Variants in CTNND2 observed in about 807,000 individuals in gnomAD.
The protein encoded by CTNND2 is catenin delta 2, also known as catenin delta-2.
In CTNND2, 22 loss-of-function variants were observed where a neutral mutation model predicts 144.4. The ratio of observed to expected loss-of-function variants is 0.15; its 90% CI spans 0.11 to 0.22. The LOEUF is 0.22. Ranked by LOEUF, CTNND2 falls within the 10% of genes least tolerant of loss-of-function variation. The pLI, the probability that CTNND2 is intolerant of heterozygous loss-of-function variation, is 1.00. For synonymous variants in CTNND2, 751 were observed against 695.6 expected, an observed-to-expected ratio of 1.08 and a Z score of -1.25; for missense variants, 1,353 against 1,618.8, an observed-to-expected ratio of 0.84 and a Z score of 2.82.
chr5:11,404,979 C>G (rs1760976045), intron 5 of CTNND2, among the ~76,000 whole-genome samples: 1 of 152,104 alleles, frequency 6.6e-6, no homozygotes, highest in Admixed American at 6.5e-5. Flanking sequence ...TGAGAGAGTC[C>G]TCTCCTTCCT....
intron 16 of CTNND2, among the ~76,000 whole-genome samples, chr5:11,076,181 T>C (rs10513067): frequency 0.044 from 6,725 of 152,132 alleles, 198 homozygotes; most frequent in Middle Eastern, 0.068. Flanking sequence ...AGTGAGAAGG[T>C]TTCTTATCAA....
At chr5:11,078,362 A>G (rs1459614643) in intron 16 of CTNND2, among the ~76,000 whole-genome samples, 2 of 152,232 alleles carry the variant, frequency 1.3e-5, no homozygotes, top group African/African-American at 4.8e-5. Context: ...AAATTCTGCT[A>G]TTCTCAGTCA....
At chr5:11,779,238 T>A (rs1311337004) in intron 1 of CTNND2, among the ~76,000 whole-genome samples, 1 of 152,242 alleles carries the variant, frequency 6.6e-6, no homozygotes, top group Non-Finnish European at 1.5e-5. Flanking sequence ...AACCATATAT[T>A]TTTAATGTTT....
At chr5:11,305,151 C>T (rs1038570352) in intron 9 of CTNND2, among the ~76,000 whole-genome samples, 3 of 152,170 alleles carry the variant, frequency 2.0e-5, no homozygotes, top group Non-Finnish European at 2.9e-5. Flanking sequence ...TTGTTCTGAG[C>T]GCCTTTCAAA....
intron 2 of CTNND2, among the ~76,000 whole-genome samples, chr5:11,652,144 G>T (rs1782675060): frequency 6.6e-6 from 1 of 152,124 alleles, no homozygotes; most frequent in Non-Finnish European, 1.5e-5. Flanking sequence ...GTCTTGGTTG[G>T]GGGTAACTGG....
chr5:11,849,338 A>G (rs1311970900), intron 1 of CTNND2, among the ~76,000 whole-genome samples: 2 of 152,176 alleles, frequency 1.3e-5, no homozygotes, highest in African/African-American at 4.8e-5. Context: ...TGGGAGCTAC[A>G]ATTCAAGATG....
At chr5:11,445,919 A>G (rs889313786) in intron 3 of CTNND2, among the ~76,000 whole-genome samples, 19 of 152,364 alleles carry the variant, frequency 1.2e-4, no homozygotes, top group Admixed American at 2.6e-4. Flanking sequence ...ATTTGGACAC[A>G]GACAACATGT....
chr5:11,148,862 A>T (rs1461253597), intron 12 of CTNND2, among the ~76,000 whole-genome samples: 2 of 152,186 alleles, frequency 1.3e-5, no homozygotes, highest in South Asian at 2.1e-4. Flanking sequence ...TTTCTTTGTG[A>T]GCCTGTTACC....
intron 1 of CTNND2, among the ~76,000 whole-genome samples, chr5:11,825,974 T>G (rs139416695): frequency 1.3e-5 from 2 of 151,966 alleles, no homozygotes; most frequent in African/African-American, 4.8e-5. Flanking sequence ...CCAACAGACA[T>G]GCAACGTAAG....
chr5:11,081,086 A>ACACACACACACACACACACACT lies in CTNND2; in HGVS notation c.2788+1588_2788+1609dup, dbSNP rs911377634. On this transcript the variant is annotated intron_variant, in intron 16 of 21. Transcript: ENST00000304623. Reference sequence around the variant, plus strand: ...ATGAGACCCTGTCACACACACACACACACACACACACACACACACACTCAC... The same window carrying ACACACACACACACACACACACT: ...ATGAGACCCTGTCACACACACACACACACACACACACACACACACACTCACACACACACACACACACACTCAC... Among the ~76,000 whole-genome samples the ACACACACACACACACACACACT allele has an allele frequency of 5.4e-3, 802 of 148,450 alleles. 1 individual carries two copies. Among genetic ancestry groups the ACACACACACACACACACACACT allele is most frequent in the Middle Eastern group, 0.014 (4 of 280 alleles).
chr5:11,673,962 G>A (rs181714534), intron 2 of CTNND2, among the ~76,000 whole-genome samples: 2 of 152,210 alleles, frequency 1.3e-5, no homozygotes, highest in Admixed American at 6.5e-5. Context: ...GACAAGTCCT[G>A]GGTATATTCA....
intron 16 of CTNND2, among the ~76,000 whole-genome samples, chr5:11,060,771 A>T (rs1746873605): frequency 6.6e-6 from 1 of 152,226 alleles, no homozygotes; most frequent in South Asian, 2.1e-4. Flanking sequence ...CATCCACACA[A>T]GGAAACATTA....
chr5:11,309,755 G>A (rs887715500), intron 9 of CTNND2, among the ~76,000 whole-genome samples: 25 of 152,278 alleles, frequency 1.6e-4, no homozygotes, highest in Non-Finnish European at 1.5e-4. Context: ...GATTTGTGTC[G>A]TTGCTCAAAA....
intron 11 of CTNND2, among the ~76,000 whole-genome samples, chr5:11,190,701 T>C (rs1459020389): frequency 1.3e-5 from 2 of 152,230 alleles, no homozygotes; most frequent in Admixed American, 6.5e-5. Context: ...TTTGTTGATG[T>C]ATTATCTATG....
intron 16 of CTNND2, among the ~76,000 whole-genome samples, chr5:11,069,958 C>T (rs551253992): frequency 4.6e-5 from 7 of 152,266 alleles, no homozygotes; most frequent in African/African-American, 1.4e-4. Context: ...TATCTCAGCC[C>T]TCTACCTTAG....
chr5:11,365,364 T>C (rs1287250764), intron 7 of CTNND2, among the ~76,000 whole-genome samples: 2 of 152,216 alleles, frequency 1.3e-5, no homozygotes, highest in Non-Finnish European at 2.9e-5. Context: ...CAGCAGTTTT[T>C]CCCTGGGAAA....
chr5:11,754,694 T>C (rs1788826176), intron 1 of CTNND2, among the ~76,000 whole-genome samples: 2 of 151,862 alleles, frequency 1.3e-5, no homozygotes. Context: ...AGTTGATCCT[T>C]TTACCAATAT....
intron 1 of CTNND2, among the ~76,000 whole-genome samples, chr5:11,853,505 T>C (rs1165813728): frequency 2.0e-5 from 3 of 152,128 alleles, no homozygotes; most frequent in African/African-American, 7.2e-5. Flanking sequence ...ACACCTACAT[T>C]GATGAATCTC....
At chr5:11,280,537 G>T (rs1413948291) in intron 9 of CTNND2, among the ~76,000 whole-genome samples, 1 of 152,114 alleles carries the variant, frequency 6.6e-6, no homozygotes, top group Non-Finnish European at 1.5e-5. Flanking sequence ...CTTTTGCAAG[G>T]ACATTAGTTC....
Sources: allele counts gnomAD v4.1 joint callset (sites outside exome capture counted in the v4.1 genomes callset), GRCh38; gene constraint gnomAD v4.1.1; transcripts MANE v1.5; gene names NCBI Gene and HGNC (gene_info 2026-07-23, HGNC 2026-07-21).